The following LGSN variants were observed in gnomAD, a reference collection of about 807,000 sequenced individuals.
The protein encoded by LGSN is lengsin.
Under a neutral mutation model 19.5 loss-of-function variants are expected in LGSN, and 21 were observed. The observed-to-expected ratio is 1.07, with a 90% CI of 0.76 to 1.55. The LOEUF is 1.55. LGSN is among the 40% of genes most tolerant of loss of function. The pLI is 0.00. For missense variants in LGSN, 673 were observed against 608.5 expected, an observed-to-expected ratio of 1.11 and a Z score of -1.12; for synonymous variants, 257 against 215.6, an observed-to-expected ratio of 1.19 and a Z score of -1.68.
the LGSN span, chr6:63,572,161 C>A: frequency 6.5e-6 from 1 of 153,048 alleles, no homozygotes; most frequent in East Asian, 1.9e-4. Flanking sequence ...TTATGAGAAA[C>A]GTGGTTTGCA....
At chr6:63,426,682 A>G in the LGSN span, among the ~76,000 whole-genome samples, 1 of 151,960 alleles carries the variant, frequency 6.6e-6, no homozygotes, top group South Asian at 2.1e-4. Flanking sequence ...TGCCTGGCTA[A>G]TTTTTGTATT....
the LGSN span, among the ~76,000 whole-genome samples, chr6:63,366,322 G>A: frequency 6.6e-6 from 1 of 152,152 alleles, no homozygotes; most frequent in South Asian, 2.1e-4. Flanking sequence ...CAAATCAAGA[G>A]TGAACTCCCA....
chr6:63,350,140 C>T, the LGSN span, among the ~76,000 whole-genome samples: 2 of 152,152 alleles, frequency 1.3e-5, no homozygotes. Context: ...ACTTTTGCAC[C>T]AACCTAATAA....
the LGSN span, among the ~76,000 whole-genome samples, chr6:63,552,208 T>C: frequency 6.6e-6 from 1 of 152,240 alleles, no homozygotes; most frequent in African/African-American, 2.4e-5. Flanking sequence ...GCACCTGTTA[T>C]TTCAATGATT....
intron 2 of LGSN, among the ~76,000 whole-genome samples, chr6:63,286,915 A>G (rs1172561618): frequency 6.6e-6 from 1 of 152,218 alleles, no homozygotes; most frequent in Non-Finnish European, 1.5e-5. Flanking sequence ...GCACCATGTA[A>G]GTGCTACTTA....
the LGSN span, chr6:63,548,698 C>CAGTGT: frequency 1.7e-6 from 1 of 583,724 alleles, no homozygotes; most frequent in East Asian, 2.9e-5. Flanking sequence ...GAAAACTCAA[C>CAGTGT]AGTGTACATT....
chr6:63,421,422 CT>C, the LGSN span, among the ~76,000 whole-genome samples: 1 of 129,332 alleles, frequency 7.7e-6, no homozygotes, highest in South Asian at 2.5e-4. Flanking sequence ...AAGATTCTGT[CT>C]GAAAAAAAAA....
chr6:63,490,523 C>T, the LGSN span, among the ~76,000 whole-genome samples: 3 of 152,040 alleles, frequency 2.0e-5, no homozygotes, highest in Admixed American at 6.6e-5. Flanking sequence ...CCAGAGTTCT[C>T]CAAAGAAACA....
chr6:63,374,336 A>T, the LGSN span, among the ~76,000 whole-genome samples: 1 of 152,110 alleles, frequency 6.6e-6, no homozygotes, highest in East Asian at 1.9e-4. Flanking sequence ...TTTTTCTGAC[A>T]TTTTCTTTGA....
chr6:63,554,417 T>G, the LGSN span, among the ~76,000 whole-genome samples: 2 of 152,226 alleles, frequency 1.3e-5, no homozygotes, highest in Non-Finnish European at 2.9e-5. Flanking sequence ...TTTCAAGGGC[T>G]TTACCTCCAC....
the LGSN span, among the ~76,000 whole-genome samples, chr6:63,408,117 T>C: frequency 6.6e-6 from 1 of 152,196 alleles, no homozygotes; most frequent in East Asian, 1.9e-4. Context: ...AGGTAATTTA[T>C]AGATTCAATG....
the LGSN span, among the ~76,000 whole-genome samples, chr6:63,354,484 A>G: frequency 6.6e-6 from 1 of 152,182 alleles, no homozygotes; most frequent in Admixed American, 6.5e-5. Flanking sequence ...TAAAAAGACA[A>G]AAATATAACA....
the LGSN span, among the ~76,000 whole-genome samples, chr6:63,498,392 A>G: frequency 2.0e-5 from 3 of 152,034 alleles, no homozygotes; most frequent in Non-Finnish European, 2.9e-5. Context: ...GCCTGCCCCA[A>G]CCCATTATTC....
the LGSN span, among the ~76,000 whole-genome samples, chr6:63,446,708 G>A: frequency 3.5e-4 from 53 of 152,202 alleles, no homozygotes; most frequent in Non-Finnish European, 3.4e-4. Context: ...TTAAGTTGAT[G>A]TGAGTTGGTG....
At chr6:63,362,183 G>C in the LGSN span, among the ~76,000 whole-genome samples, 1 of 152,078 alleles carries the variant, frequency 6.6e-6, no homozygotes. Flanking sequence ...ATATATATAA[G>C]TAGAAGGAGT....
the LGSN span, among the ~76,000 whole-genome samples, chr6:63,418,538 C>T: frequency 1.3e-5 from 2 of 151,926 alleles, no homozygotes; most frequent in African/African-American, 2.4e-5. Context: ...TCCAGCCTGG[C>T]GACAGAGCGA....
chr6:63,332,749 T>C, the LGSN span, among the ~76,000 whole-genome samples: 1 of 152,022 alleles, frequency 6.6e-6, no homozygotes, highest in Non-Finnish European at 1.5e-5. Context: ...CACTGCTTGG[T>C]GATAGGTGAT....
chr6:63,455,138 A>G, the LGSN span, among the ~76,000 whole-genome samples: 1 of 152,226 alleles, frequency 6.6e-6, no homozygotes, highest in South Asian at 2.1e-4. Context: ...ACATCCCACC[A>G]ATAGAACCAA....
chr6:63,483,877 A>G, the LGSN span, among the ~76,000 whole-genome samples: 2 of 150,874 alleles, frequency 1.3e-5, no homozygotes, highest in African/African-American at 4.9e-5. Context: ...GAGAATCTTT[A>G]AAGAAGTATC....
Sources: allele counts gnomAD v4.1 joint callset (sites outside exome capture counted in the v4.1 genomes callset), GRCh38; gene constraint gnomAD v4.1.1; transcripts MANE v1.5; gene names NCBI Gene and HGNC (gene_info 2026-07-23, HGNC 2026-07-21).